Variants in FBN2 observed in about 807,000 individuals in gnomAD.
The protein encoded by FBN2 is fibrillin-2.
In FBN2, 105 loss-of-function variants were observed where a neutral mutation model predicts 355.6. The ratio of observed to expected loss-of-function variants is 0.30; its 90% CI spans 0.25 to 0.35. The LOEUF is 0.35. Ranked by LOEUF, FBN2 falls within the 10% of genes least tolerant of loss-of-function variation. FBN2 has a pLI of 1.00. For missense variants in FBN2, 3,280 were observed against 3,758.7 expected (o/e 0.87, Z 3.33); for synonymous variants, 1,350 against 1,301.2 (o/e 1.04, Z -0.81).
chr5:128,350,963 C>T lies in FBN2; in HGVS notation c.2717G>A (p.Arg906His), dbSNP rs370973542. The part of the protein sequence containing the change: ...GTCWLNIQDS[R>H]CEVNINGATL... ...GGCTCCATTAATATTCACCTCACAG[C>T]GGCTGTCCTGGATGTTGAGCCAACA... The change falls in exon 21 of 65, where the codon CGC (arginine) becomes CAC (histidine). Residue 906 changes from arginine to histidine, a missense_variant. Physicochemically the swap from Arg to His is conservative, Grantham distance 29. Around this residue, in one of 6 missense-constraint regions of FBN2, gnomAD observed 2,284 missense variants for 2,749.5 expected, o/e 0.83. Coordinates refer to ENST00000262464, the MANE Select transcript of FBN2 (RefSeq NM_001999.4). The T allele has an allele frequency of 4.4e-5, 71 of 1,614,022 alleles. 1 individual carries two copies. The East Asian group carries it at 5.6e-4, about 13-fold the overall frequency.
At chr5:128,445,017 G>C (rs1305157693) in intron 7 of FBN2, among the ~76,000 whole-genome samples, 2 of 152,170 alleles carry the variant, frequency 1.3e-5, no homozygotes, top group African/African-American at 4.8e-5. Context: ...GGAAAAAGCA[G>C]CACAACCCAG....
At chr5:128,369,894 C>T (rs992775129) in intron 15 of FBN2, among the ~76,000 whole-genome samples, 3 of 152,150 alleles carry the variant, frequency 2.0e-5, no homozygotes, top group Non-Finnish European at 2.9e-5. Flanking sequence ...TAGTTAACTA[C>T]CATATGTGCT....
At chr5:128,383,204 G>A (rs1322265088) in intron 11 of FBN2, among the ~76,000 whole-genome samples, 1 of 151,934 alleles carries the variant, frequency 6.6e-6, no homozygotes, top group African/African-American at 2.4e-5. Context: ...CAATATATAC[G>A]AGCAAATGAT....
chr5:128,503,048 G>A (rs1456663215), intron 5 of FBN2, among the ~76,000 whole-genome samples: 4 of 150,902 alleles, frequency 2.7e-5, no homozygotes, highest in African/African-American at 9.9e-5. Context: ...ACAAGGGTGG[G>A]GCCAGGTGGA....
intron 5 of FBN2, among the ~76,000 whole-genome samples, chr5:128,497,289 A>G (rs1755680750): frequency 6.6e-6 from 1 of 152,226 alleles, no homozygotes; most frequent in Non-Finnish European, 1.5e-5. Flanking sequence ...ATGGATGAGT[A>G]CACACCAGAA....
intron 38 of FBN2, 33 bp downstream of exon 38, chr5:128,311,852 G>C (rs1362213707): frequency 1.3e-6 from 2 of 1,523,448 alleles, no homozygotes; most frequent in Non-Finnish European, 1.8e-6. Context: ...TCTTTACCTT[G>C]TTTGAATCTG....
chr5:128,364,788 A>G (rs1751724622), intron 17 of FBN2, 63 bp from the exon 18 acceptor site: 2 of 1,415,778 alleles, frequency 1.4e-6, no homozygotes, highest in South Asian at 1.2e-5. Context: ...TGATAAATGC[A>G]GGTCTAGTAA....
At chr5:128,437,651 TAAGA>T in intron 7 of FBN2, among the ~76,000 whole-genome samples, 1 of 152,084 alleles carries the variant, frequency 6.6e-6, no homozygotes, top group East Asian at 1.9e-4. Flanking sequence ...TCAATAATAA[TAAGA>T]ATCATGAATC....
chr5:128,315,277 T>A (rs188470692), intron 36 of FBN2, among the ~76,000 whole-genome samples: 36 of 152,350 alleles, frequency 2.4e-4, no homozygotes, highest in Non-Finnish European at 4.7e-4. Flanking sequence ...CTCAATTTTT[T>A]AATCTATATT....
At chr5:128,434,406 A>ATC (rs1344667744) in intron 7 of FBN2, among the ~76,000 whole-genome samples, 1 of 105,162 alleles carries the variant, frequency 9.5e-6, no homozygotes, top group Non-Finnish European at 2.1e-5. Flanking sequence ...ATATATATAT[A>ATC]TATATATATA....
chr5:128,448,372 T>C (rs1159022945), intron 6 of FBN2, among the ~76,000 whole-genome samples: 2 of 151,986 alleles, frequency 1.3e-5, no homozygotes, highest in Non-Finnish European at 2.9e-5. Context: ...AGTGGCGTGA[T>C]CTTGACTCAC....
At chr5:128,414,153 T>C (rs1753137425) in intron 7 of FBN2, among the ~76,000 whole-genome samples, 1 of 152,202 alleles carries the variant, frequency 6.6e-6, no homozygotes, top group South Asian at 2.1e-4. Context: ...TGTCATACAA[T>C]TCACACATTT....
At chr5:128,415,234 T>C (rs1753165080) in intron 7 of FBN2, among the ~76,000 whole-genome samples, 1 of 152,178 alleles carries the variant, frequency 6.6e-6, no homozygotes, top group Non-Finnish European at 1.5e-5. Context: ...TCTAGTTATT[T>C]TGAAATATAA....
chr5:128,415,412 C>T (rs1247359957), intron 7 of FBN2, among the ~76,000 whole-genome samples: 1 of 152,136 alleles, frequency 6.6e-6, no homozygotes, highest in Non-Finnish European at 1.5e-5. Context: ...TCTCTCACTC[C>T]ATGAGATCAA....
chr5:128,261,962 T>C, intron 63 of FBN2, 55 bp from the exon 64 acceptor site: 1 of 1,466,880 alleles, frequency 6.8e-7, no homozygotes, highest in Non-Finnish European at 9.6e-7. Context: ...GACCATAGTT[T>C]TCCAGTGGTA....
chr5:128,486,848 TGA>T, intron 5 of FBN2, among the ~76,000 whole-genome samples: 1 of 152,226 alleles, frequency 6.6e-6, no homozygotes, highest in East Asian at 1.9e-4. Context: ...TTCCCACCTA[TGA>T]GAGAGAACTG....
chr5:128,362,733 G>T (rs1223887755), intron 18 of FBN2, among the ~76,000 whole-genome samples: 2 of 152,134 alleles, frequency 1.3e-5, no homozygotes, highest in African/African-American at 4.8e-5. Flanking sequence ...CCAAAGTGCT[G>T]GGATTATAGG....
intron 58 of FBN2, 81 bp downstream of exon 58, chr5:128,277,799 C>A: frequency 1.4e-6 from 2 of 1,428,746 alleles, no homozygotes; most frequent in Non-Finnish European, 9.9e-7. Context: ...AATAAAGACA[C>A]TCTACTGATA....
chr5:128,516,733 A>T (rs6893116), intron 5 of FBN2, among the ~76,000 whole-genome samples: 24,639 of 152,150 alleles, frequency 0.16, 3,628 homozygotes, highest in African/African-American at 0.39. Context: ...ATATATAAAC[A>T]TTAAACGCTA....
Sources: gnomAD v4.1 joint callset for allele counts (sites outside exome capture counted in the v4.1 genomes callset) on GRCh38, gnomAD v4.1.1 for gene constraint, gnomAD v4.1.1 regional missense constraint, MANE v1.5 for transcripts, NCBI Gene and HGNC (gene_info 2026-07-23, HGNC 2026-07-21) for gene names.